RNF166: variants seen among roughly 807,000 people sequenced by gnomAD.
RNF166 encodes the protein ring finger protein 166.
A neutral mutation model predicts 29.4 loss-of-function variants in RNF166; 19 were observed. The observed-to-expected ratio is 0.65, with a 90% CI of 0.45 to 0.95. The LOEUF is 0.95. Ranked by LOEUF, RNF166 falls within the 40% of genes least tolerant of loss-of-function variation. The pLI, the probability that RNF166 is intolerant of heterozygous loss-of-function variation, is 0.00. For missense variants in RNF166, 347 were observed against 322.1 expected (o/e 1.08, Z -0.59); for synonymous variants, 171 against 134.5 (o/e 1.27, Z -1.88).
intron 1 of RNF166, among the ~76,000 whole-genome samples, chr16:88,702,579 C>T (rs111729735): frequency 1.3e-5 from 2 of 152,178 alleles, no homozygotes; most frequent in Non-Finnish European, 2.9e-5. Flanking sequence ...CAAAGGTGGC[C>T]AAGCAGGCAT....
intron 1 of RNF166, among the ~76,000 whole-genome samples, chr16:88,705,244 G>GA (rs1910662889): frequency 6.6e-6 from 1 of 152,204 alleles, no homozygotes; most frequent in Non-Finnish European, 1.5e-5. Context: ...AGGAGCCCCT[G>GA]AAGTCAGCTG....
In RNF166 at chr16:88,701,587, A is replaced by G. The variant is rs906076236; in HGVS notation, c.156-169T>C. 4.7e-6 allele frequency: 3 copies of G among 641,212 alleles called. No homozygotes were observed. In the African/African-American group the frequency reaches 5.7e-5, roughly 12 times the overall value. 39.7% of individuals were successfully genotyped at this position (641,212 alleles called of 1,614,324 possible). ...GTCACTCCTATGTCCGGGGCCCACC[A>G]GCTGGATGGGCCCCATCTGGCTAAA... On this transcript the variant is annotated intron_variant, in intron 1 of 5. Transcript: ENST00000312838.
At chr16:88,703,183 G>A (rs1035487448) in intron 1 of RNF166, 33 of 981,110 alleles carry the variant, frequency 3.4e-5, no homozygotes, top group South Asian at 4.7e-5. Context: ...GCAGACGGGT[G>A]GGTGCCAGGC....
At position 88,696,593 on chromosome 16, in the gene RNF166, G is replaced by A. The variant is rs1909659347; in HGVS notation, c.*975C>T. 5 of 453,830 alleles carry A rather than the reference G, an allele frequency of 1.1e-5. No individual in the cohort carries two copies. The highest frequency in any genetic ancestry group is 4.0e-5 in the African/African-American group (2 of 49,782). 28.1% of individuals were successfully genotyped at this position (453,830 alleles called of 1,614,324 possible). ...AGAAAAGAATGTTGACGTGTTGCCC[G>A]GCCCGCCAAGCGGGCCCCTGCCCAG... On this transcript the variant is annotated 3_prime_UTR_variant, in exon 6 of 6. Coordinates refer to ENST00000312838, the MANE Select transcript of RNF166 (RefSeq NM_178841.4).
intron 5 of RNF166, chr16:88,697,994 G>A: frequency 2.1e-6 from 1 of 476,408 alleles, no homozygotes; most frequent in Non-Finnish European, 3.8e-6. Context: ...GGCAGAGGGA[G>A]TGACAGCCAT....
Position 88,696,860 on chromosome 16 carries a change from C to G in RNF166, c.*708G>C. 1 of 302,910 alleles carries G rather than the reference C, an allele frequency of 3.3e-6. No homozygotes were observed. Among genetic ancestry groups the G allele is most frequent in the Non-Finnish European group, 6.3e-6 (1 of 157,646 alleles). The allele number at this position is 302,910 out of a possible 1,614,324, so 18.8% of individuals were successfully genotyped here. Reference sequence around the variant, plus strand: ...CACACAGTGGGTGGCCAGGGCAGACCCCACAGCAGACCCCATGGCTCGCCT... The same window carrying G: ...CACACAGTGGGTGGCCAGGGCAGACGCCACAGCAGACCCCATGGCTCGCCT... On this transcript the variant is annotated 3_prime_UTR_variant, in exon 6 of 6. Transcript: ENST00000312838.
At position 88,696,765 on chromosome 16, in the gene RNF166, G is replaced by A. The variant is rs886440931; in HGVS notation, c.*803C>T. ...CCCGCCTCTGCTGGGAGCAGCCACA[G>A]CCTGTGGCTGGGGTGCTGGGATTTC... On this transcript the variant is annotated 3_prime_UTR_variant, in exon 6 of 6. Coordinates refer to ENST00000312838, the MANE Select transcript of RNF166 (RefSeq NM_178841.4). 1.3e-5 allele frequency: 5 copies of A among 381,034 alleles called. No homozygotes were observed. Among genetic ancestry groups the A allele is most frequent in the Non-Finnish European group, 2.6e-5 (5 of 195,520 alleles). 23.6% of individuals were successfully genotyped at this position (381,034 alleles called of 1,614,324 possible).
chr16:88,701,053 G>GC (rs535582594), intron 2 of RNF166: 696 of 1,346,328 alleles, frequency 5.2e-4, no homozygotes, highest in East Asian at 9.9e-4. Context: ...CACCGGGCTG[G>GC]CCCCCCCGTC....
At position 88,706,400 on chromosome 16, in the gene RNF166, C is replaced by T. The variant is rs1027628158; in HGVS notation, c.-75G>A. On this transcript the variant is annotated 5_prime_UTR_variant, in exon 1 of 6. Coordinates refer to ENST00000312838, the MANE Select transcript of RNF166 (RefSeq NM_178841.4). ...GGCCCGCTAGTCACAGCCGCTACTG[C>T]GCCGCGCTGACGTCATCGTAGGGCG... 2 of 1,223,480 alleles carry T rather than the reference C, an allele frequency of 1.6e-6. No homozygotes were observed. Among genetic ancestry groups the T allele is most frequent in the African/African-American group, 1.6e-5 (1 of 63,062 alleles). 75.8% of individuals were successfully genotyped at this position (1,223,480 alleles called of 1,614,324 possible). A position where few individuals can be genotyped will look rare whatever the true frequency, so the allele number is the denominator to read the frequency against.
intron 1 of RNF166, chr16:88,703,051 G>A (rs915210089): frequency 5.1e-6 from 5 of 985,424 alleles, no homozygotes; most frequent in Non-Finnish European, 4.8e-6. Flanking sequence ...GAGGCGTGCA[G>A]CCCCACCACG....
At chr16:88,701,185 C>T (rs919481060) in intron 2 of RNF166, 77 bp downstream of exon 2, 3 of 1,565,142 alleles carry the variant, frequency 1.9e-6, no homozygotes, top group Non-Finnish European at 8.8e-7. Context: ...CCCCGGCCCC[C>T]ACCCTCTGCA....
intron 2 of RNF166, chr16:88,700,813 A>G (rs1910139290): frequency 1.9e-6 from 2 of 1,047,074 alleles, no homozygotes; most frequent in South Asian, 5.6e-5. Context: ...GGCAGTGCCC[A>G]TCAGCCCGGC....
chr16:88,700,986 C>A, intron 2 of RNF166: 1 of 1,335,232 alleles, frequency 7.5e-7, no homozygotes, highest in South Asian at 1.6e-5. Flanking sequence ...CTTACCCTGG[C>A]CACAACCCAC....
chr16:88,706,194 C>A lies in RNF166; in HGVS notation c.132G>T (p.Val44=). The change falls in exon 1 of 6, where the codon GTG becomes GTT. Residue 44 remains valine, a synonymous_variant. Coordinates refer to ENST00000312838, the MANE Select transcript of RNF166 (RefSeq NM_178841.4). ...PICLEVYHRP[V]AIGSCGHTFC... The stretch of plus-strand genomic sequence containing the variant: ...ACGTGTGGCCGCAGCTGCCGATGGC[C>A]ACGGGCCGGTGATAGACCTCCAGGC... 1.5e-6 allele frequency: 2 copies of A among 1,298,218 alleles called. No homozygotes were observed. The highest frequency in any genetic ancestry group is 2.0e-6 in the Non-Finnish European group (2 of 1,017,982). 80.4% of individuals were successfully genotyped at this position (1,298,218 alleles called of 1,614,324 possible).
intron 1 of RNF166, chr16:88,704,046 C>T (rs1369406419): frequency 4.1e-6 from 4 of 985,470 alleles, no homozygotes; most frequent in Non-Finnish European, 4.8e-6. Flanking sequence ...CCCCAGGGGG[C>T]CTCCTGCGCG....
At chr16:88,699,341 C>T (rs1018876310) in intron 3 of RNF166, among the ~76,000 whole-genome samples, 3 of 152,254 alleles carry the variant, frequency 2.0e-5, no homozygotes, top group Non-Finnish European at 2.9e-5. Context: ...AGCCGTCTCT[C>T]GGCCCATCCA....
At chr16:88,705,616 G>T (rs1910707414) in intron 1 of RNF166, among the ~76,000 whole-genome samples, 1 of 152,218 alleles carries the variant, frequency 6.6e-6, no homozygotes, top group South Asian at 2.1e-4. Context: ...AGCCTGCCTG[G>T]CTACTCAGTG....
Position 88,699,038 on chromosome 16 carries a change from C to T in RNF166, c.473G>A (p.Arg158His), listed in dbSNP as rs763393981. The T allele has an allele frequency of 2.6e-5, 42 of 1,610,418 alleles. No individual in the cohort carries two copies. The highest frequency in any genetic ancestry group is 1.2e-4 in the African/African-American group (9 of 74,894). ...STFACPYCGA[R>H]NLDQQELVKH... ...CACCAGCTCCTGCTGGTCCAGGTTG[C>T]GGGCACCACAGTACGGGCAGGCGAA... The change falls in exon 4 of 6, where the codon CGC becomes CAC. Residue 158 changes from arginine to histidine, a missense_variant. Physicochemically the swap from Arg to His is conservative, Grantham distance 29. Coordinates refer to ENST00000312838, the MANE Select transcript of RNF166 (RefSeq NM_178841.4).
At chr16:88,698,739 C>T (rs1422511059) in intron 4 of RNF166, 130 bp from the exon 5 acceptor site, 8 of 707,072 alleles carry the variant, frequency 1.1e-5, no homozygotes, top group East Asian at 8.1e-5. Context: ...GACCTGGAGG[C>T]GCGTGTCCCG....
Sources: allele counts gnomAD v4.1 joint callset (sites outside exome capture counted in the v4.1 genomes callset), GRCh38; gene constraint gnomAD v4.1.1; transcripts MANE v1.5; gene names NCBI Gene and HGNC (gene_info 2026-07-23, HGNC 2026-07-21).